The following HIVEP1 variants were observed in gnomAD, a reference collection of about 807,000 sequenced individuals.
HIVEP1 encodes the protein HIVEP zinc finger 1, also known as zinc finger protein 40.
A neutral mutation model predicts 180.0 loss-of-function variants in HIVEP1; 36 were observed. That is an observed-to-expected ratio of 0.20 (90% CI 0.15 to 0.26). The LOEUF (loss-of-function observed/expected upper bound fraction) is 0.26, where lower values mean the gene tolerates loss of function less well. Ranked by LOEUF, HIVEP1 falls within the 10% of genes least tolerant of loss-of-function variation. The pLI is 1.00. For missense variants in HIVEP1, 3,143 were observed against 3,268.7 expected, an observed-to-expected ratio of 0.96 and a Z score of 0.94; for synonymous variants, 1,239 against 1,239.0, an observed-to-expected ratio of 1.00 and a Z score of 0.00.
chr6:12,140,492 A>G (rs1361126334), intron 7 of HIVEP1, among the ~76,000 whole-genome samples: 1 of 152,236 alleles, frequency 6.6e-6, no homozygotes, highest in Non-Finnish European at 1.5e-5. Flanking sequence ...CTCGCCAGCA[A>G]TGGAACAAAG....
intron 7 of HIVEP1, among the ~76,000 whole-genome samples, 182 bp from the exon 8 acceptor site, chr6:12,161,257 C>A (rs552990151): frequency 6.6e-6 from 1 of 152,160 alleles, no homozygotes; most frequent in Non-Finnish European, 1.5e-5. Flanking sequence ...TCCTCTGAAT[C>A]CTGATGGCCA....
chr6:12,009,609 A>G (rs1332906251), upstream of HIVEP1, among the ~76,000 whole-genome samples: 1 of 152,130 alleles, frequency 6.6e-6, no homozygotes, highest in Non-Finnish European at 1.5e-5. Flanking sequence ...TGTTTATTTG[A>G]TACATTTTGA....
Position 12,161,530 on chromosome 6 carries a change from T to C in HIVEP1, c.6579T>C (p.Asp2193=). 4 of 1,614,134 alleles carry C rather than the reference T, an allele frequency of 2.5e-6. No homozygotes were observed. The highest frequency in any genetic ancestry group is 3.4e-6 in the Non-Finnish European group (4 of 1,179,998). The change falls in exon 8 of 9, where the codon GAT becomes GAC. Residue 2193 remains aspartate, a synonymous_variant. Transcript: ENST00000379388. ...AGGATGACAATGAAAATGAAGACGA[T>C]GATGAGGACAGCCAGGCTGAATCAG... is the stretch of plus-strand genomic sequence containing the variant. ...PDEDDNENED[D]DEDSQAESVL...
At chr6:12,187,822 G>C in the HIVEP1 span, among the ~76,000 whole-genome samples, 4 of 152,108 alleles carry the variant, frequency 2.6e-5, no homozygotes, top group African/African-American at 9.7e-5. Context: ...CTGACATCAA[G>C]TGATCTGCCT....
the HIVEP1 span, among the ~76,000 whole-genome samples, chr6:12,187,996 C>A: frequency 2.0e-5 from 3 of 152,114 alleles, no homozygotes; most frequent in African/African-American, 7.2e-5. Flanking sequence ...ACAAGACAGC[C>A]TATCAGGGAC....
the HIVEP1 span, among the ~76,000 whole-genome samples, chr6:12,187,326 G>GA: frequency 6.6e-6 from 1 of 152,092 alleles, no homozygotes; most frequent in Non-Finnish European, 1.5e-5. Context: ...TTTGGGTCAT[G>GA]GGGGCAAACC....
Position 12,164,609 on chromosome 6 carries a change from G to C in HIVEP1, c.*148G>C. On this transcript the variant is annotated 3_prime_UTR_variant, in exon 9 of 9. Coordinates refer to ENST00000379388, the MANE Select transcript of HIVEP1 (RefSeq NM_002114.4). The stretch of plus-strand genomic sequence containing the variant: ...ACTTTTGACCAATAATTGTTGTTTT[G>C]TGTCAGCTCCAGCCATTTTTGTACA... The C allele has an allele frequency of 1.5e-6, 1 of 673,998 alleles. No homozygotes were observed. Among genetic ancestry groups the C allele is most frequent in the South Asian group, 2.1e-5 (1 of 47,670 alleles). 41.8% of individuals were successfully genotyped at this position (673,998 alleles called of 1,614,324 possible).
Position 12,135,882 on chromosome 6 carries a change from A to T in HIVEP1, c.6477A>T (p.Thr2159=), listed in dbSNP as rs765919271. The change falls in exon 7 of 9, where the codon ACA becomes ACT. Residue 2159 remains threonine, a synonymous_variant. Transcript: ENST00000379388. The part of the protein sequence containing the change: ...VSVGLIDEQD[T]EESDEKQRFS... ...TAGGTTTAATAGATGAACAGGATAC[A>T]GAAGAATCAGGTAAGGCTTTATACC... 6.3e-7 allele frequency: 1 copy of T among 1,598,248 alleles called. No individual in the cohort carries two copies. The highest frequency in any genetic ancestry group is 8.6e-7 in the Non-Finnish European group (1 of 1,166,118).
At chr6:12,145,696 C>A (rs186377637) in intron 7 of HIVEP1, among the ~76,000 whole-genome samples, 1 of 151,990 alleles carries the variant, frequency 6.6e-6, no homozygotes, top group Non-Finnish European at 1.5e-5. Context: ...ATCACTTACG[C>A]CCTTTATTCT....
intron 7 of HIVEP1, among the ~76,000 whole-genome samples, chr6:12,146,692 G>A (rs1173877902): frequency 6.6e-6 from 1 of 152,132 alleles, no homozygotes; most frequent in Non-Finnish European, 1.5e-5. Flanking sequence ...CTCATCCTCA[G>A]TAATGATCAT....
chr6:12,203,812 C>T, the HIVEP1 span, among the ~76,000 whole-genome samples: 2 of 152,180 alleles, frequency 1.3e-5, no homozygotes, highest in African/African-American at 2.4e-5. Flanking sequence ...TGCAGTGGCT[C>T]ACGTCTGTAA....
Position 12,123,849 on chromosome 6 carries a change from A to G in HIVEP1, c.4054A>G (p.Asn1352Asp). The G allele has an allele frequency of 5.0e-6, 8 of 1,614,190 alleles. No individual in the cohort carries two copies. Among genetic ancestry groups the G allele is most frequent in the Non-Finnish European group, 6.8e-6 (8 of 1,180,026 alleles). Residue 1352 changes from asparagine (N) to aspartate (D), a missense_variant, in exon 4 of 9, where the codon AAT (asparagine) becomes GAT (aspartate). Physicochemically the swap from Asn to Asp is conservative, Grantham distance 23 (BLOSUM62 1). Coordinates refer to ENST00000379388, the MANE Select transcript of HIVEP1 (RefSeq NM_002114.4). ...AEFLMIPAGL[N>D]TLNVPGCHRE... ...GTTTCTTATGATTCCAGCTGGCTTG[A>G]ATACTCTGAATGTTCCTGGATGTCA...
At chr6:12,088,243 C>G (rs1773230120) in intron 2 of HIVEP1, among the ~76,000 whole-genome samples, 1 of 152,068 alleles carries the variant, frequency 6.6e-6, no homozygotes, top group Non-Finnish European at 1.5e-5. Context: ...GAGACAACTT[C>G]TGAGCTGATG....
At position 12,121,218 on chromosome 6, in the gene HIVEP1, T is replaced by C. The variant is rs1346948456; in HGVS notation, c.1423T>C (p.Leu475=). 1.1e-5 allele frequency: 18 copies of C among 1,614,050 alleles called. No individual in the cohort carries two copies. The highest frequency in any genetic ancestry group is 1.4e-5 in the Non-Finnish European group (17 of 1,180,044). Residue 475 remains leucine (L), a synonymous_variant, in exon 4 of 9, where the codon TTG becomes CTG. Coordinates refer to ENST00000379388, the MANE Select transcript of HIVEP1 (RefSeq NM_002114.4). The surrounding 1 kb of genome is among the most constrained non-coding windows in gnomAD (Gnocchi z 5.3). ...GCAACCAGATGCTGGTGGCTTGTTC[T>C]TGTCCCACGAGTCCCCCAAAGCACT... The part of the protein sequence containing the change: ...VLQPDAGGLF[L]SHESPKALSI...
downstream of HIVEP1, among the ~76,000 whole-genome samples, chr6:12,167,608 T>TATATTACATGTATATATACATGTA (rs1760741233): frequency 6.9e-6 from 1 of 145,610 alleles, no homozygotes; most frequent in African/African-American, 2.5e-5. Flanking sequence ...ATATACATGT[T>TATATTACATGTATATATACATGTA]ATATTACATG....
At chr6:12,156,152 T>G (rs1760030103) in intron 7 of HIVEP1, among the ~76,000 whole-genome samples, 1 of 152,082 alleles carries the variant, frequency 6.6e-6, no homozygotes, top group South Asian at 2.1e-4. Context: ...ACATTAGACC[T>G]TTGTCAGATG....
chr6:12,109,223 G>T (rs1028570575), intron 3 of HIVEP1, among the ~76,000 whole-genome samples: 4 of 152,228 alleles, frequency 2.6e-5, no homozygotes, highest in African/African-American at 9.6e-5. Context: ...TCAATCTCCT[G>T]ACCTCGTGTT....
the HIVEP1 span, among the ~76,000 whole-genome samples, chr6:12,191,685 C>T: frequency 9.9e-5 from 15 of 152,174 alleles, no homozygotes; most frequent in African/African-American, 3.1e-4. Context: ...TAGTCAATAT[C>T]GTTTGATTAA....
At chr6:12,035,890 C>G (rs1259111108) in intron 2 of HIVEP1, among the ~76,000 whole-genome samples, 1 of 151,994 alleles carries the variant, frequency 6.6e-6, no homozygotes, top group Non-Finnish European at 1.5e-5. Flanking sequence ...TATTTCAGAA[C>G]TAGTATGAAA....
Sources: gnomAD v4.1 joint callset for allele counts (sites outside exome capture counted in the v4.1 genomes callset) on GRCh38, gnomAD v4.1.1 for gene constraint, Gnocchi (gnomAD v3.1) non-coding constraint, MANE v1.5 for transcripts, NCBI Gene and HGNC (gene_info 2026-07-23, HGNC 2026-07-21) for gene names.